LRRC4C: variants seen among roughly 807,000 people sequenced by gnomAD.
LRRC4C encodes leucine rich repeat containing 4C.
A neutral mutation model predicts 33.6 loss-of-function variants in LRRC4C; 5 were observed. The observed-to-expected ratio is 0.15, with a 90% CI of 0.08 to 0.31. The LOEUF is 0.31. Among genes scored for constraint, LRRC4C ranks in the 10% least tolerant of loss-of-function variants. The probability of loss-of-function intolerance (pLI) is 1.00; values close to 1 mark genes in which losing one functional copy is unlikely to be tolerated. For missense variants in LRRC4C, 560 were observed against 796.7 expected (o/e 0.70, Z 3.58); for synonymous variants, 329 against 302.0 (o/e 1.09, Z -0.93).
At chr11:40,710,550 A>G (rs1198015138) in intron 2 of LRRC4C, among the ~76,000 whole-genome samples, 2 of 152,206 alleles carry the variant, frequency 1.3e-5, no homozygotes, top group Non-Finnish European at 1.5e-5. Flanking sequence ...ATTGCAGAAC[A>G]GCAAATATTG....
chr11:40,176,544 T>C (rs1860507192), intron 5 of LRRC4C, among the ~76,000 whole-genome samples: 1 of 151,814 alleles, frequency 6.6e-6, no homozygotes, highest in Non-Finnish European at 1.5e-5. Flanking sequence ...CCACTCTTTT[T>C]TTTTTTTTTT....
At chr11:40,225,074 G>A (rs569429836) in intron 5 of LRRC4C, among the ~76,000 whole-genome samples, 1 of 152,278 alleles carries the variant, frequency 6.6e-6, no homozygotes, top group African/African-American at 2.4e-5. Context: ...TTGTGGAAAT[G>A]AATACCTATA....
At chr11:40,546,846 G>A (rs1055617831) in intron 3 of LRRC4C, among the ~76,000 whole-genome samples, 13 of 152,072 alleles carry the variant, frequency 8.5e-5, no homozygotes, top group African/African-American at 3.1e-4. Context: ...AAAGTCAGAG[G>A]CTTGACTAAC....
At chr11:41,331,535 C>T (rs1245582306) in intron 1 of LRRC4C, among the ~76,000 whole-genome samples, 2 of 152,186 alleles carry the variant, frequency 1.3e-5, no homozygotes, top group African/African-American at 4.8e-5. Flanking sequence ...TGCCGCCTCC[C>T]TTCACTCACT....
chr11:40,931,857 A>G (rs1276006911), intron 2 of LRRC4C, among the ~76,000 whole-genome samples: 3 of 152,154 alleles, frequency 2.0e-5, no homozygotes, highest in Non-Finnish European at 1.5e-5. Flanking sequence ...TTTCAGGGAC[A>G]AAACATTTTA....
At chr11:40,780,978 A>G (rs1002297579) in intron 2 of LRRC4C, among the ~76,000 whole-genome samples, 2 of 152,250 alleles carry the variant, frequency 1.3e-5, no homozygotes, top group South Asian at 2.1e-4. Context: ...ACTGACAGCG[A>G]TATGTTCTAA....
chr11:40,584,761 A>T (rs572330644), intron 3 of LRRC4C, among the ~76,000 whole-genome samples: 64 of 151,886 alleles, frequency 4.2e-4, no homozygotes, highest in South Asian at 1.2e-3. Flanking sequence ...GTAAAACCCC[A>T]TCTCTACTAA....
chr11:40,457,772 C>G (rs930616413), intron 3 of LRRC4C, among the ~76,000 whole-genome samples: 5 of 152,262 alleles, frequency 3.3e-5, no homozygotes, highest in African/African-American at 1.2e-4. Context: ...ACTAGTCTCC[C>G]TTCCTGATGG....
intron 5 of LRRC4C, among the ~76,000 whole-genome samples, chr11:40,211,986 C>T (rs776912902): frequency 4.6e-5 from 7 of 152,172 alleles, no homozygotes; most frequent in African/African-American, 7.2e-5. Context: ...TATTTCCAGA[C>T]TTCTCCATGG....
intron 1 of LRRC4C, among the ~76,000 whole-genome samples, chr11:41,220,620 T>G (rs189209184): frequency 6.6e-6 from 1 of 152,100 alleles, no homozygotes; most frequent in Admixed American, 6.6e-5. Flanking sequence ...TTACTTAGAA[T>G]ATATTGTCTA....
At chr11:41,063,719 A>G (rs1325379804) in intron 1 of LRRC4C, among the ~76,000 whole-genome samples, 2 of 152,244 alleles carry the variant, frequency 1.3e-5, no homozygotes, top group Non-Finnish European at 2.9e-5. Context: ...TAGAGTCAGC[A>G]AGAAAGCAGC....
intron 1 of LRRC4C, among the ~76,000 whole-genome samples, chr11:40,972,638 T>C (rs567101730): frequency 2.6e-5 from 4 of 152,248 alleles, no homozygotes; most frequent in East Asian, 3.9e-4. Context: ...AGAAGGCACC[T>C]CTTCACAAGG....
intron 2 of LRRC4C, among the ~76,000 whole-genome samples, chr11:40,912,610 C>T (rs891056821): frequency 6.6e-6 from 1 of 152,152 alleles, no homozygotes; most frequent in African/African-American, 2.4e-5. Flanking sequence ...TTGTAAAGAC[C>T]ATCAAGGCTA....
chr11:40,913,131 A>G (rs1415682637), intron 2 of LRRC4C, among the ~76,000 whole-genome samples: 2 of 152,192 alleles, frequency 1.3e-5, no homozygotes, highest in Admixed American at 6.5e-5. Flanking sequence ...AACATTAGAC[A>G]GATCAATGAG....
rs190972515 is a variant in LRRC4C, at chr11:40,115,595, G to A, written c.698C>T (p.Ala233Val). 723 of 1,614,162 alleles carry A rather than the reference G, an allele frequency of 4.5e-4. No homozygotes were observed. Among genetic ancestry groups the A allele is most frequent in the Non-Finnish European group, 5.6e-4 (661 of 1,180,028 alleles). Residue 233 changes from alanine (A) to valine (V), a missense_variant, in exon 7 of 7, where the codon GCC (alanine) becomes GTC (valine). By Grantham distance (64) the Ala-to-Val change is moderately conservative. Around this residue, in one of 3 missense-constraint regions of LRRC4C, gnomAD observed 455 missense variants for 643.8 expected, o/e 0.71. Transcript: ENST00000528697. This position sits in a 1 kb window ranked among gnomAD's most constrained non-coding sequence, Gnocchi z 6.7. Reference sequence around the variant, plus strand: ...ACCCTGGAAAGAGCCAGGCCTGATGGCAGATAAATGATTCCCAGAAAGATC... The same window carrying A: ...ACCCTGGAAAGAGCCAGGCCTGATGACAGATAAATGATTCCCAGAAAGATC... ...ELDLSGNHLS[A>V]IRPGSFQGLM... is the part of the protein sequence containing the mutation.
At chr11:40,191,480 T>C (rs1459454382) in intron 5 of LRRC4C, among the ~76,000 whole-genome samples, 1 of 152,170 alleles carries the variant, frequency 6.6e-6, no homozygotes, top group Non-Finnish European at 1.5e-5. Flanking sequence ...GCAATTCCCA[T>C]TCCTGTCATG....
In LRRC4C at chr11:40,362,758, C is replaced by T. The variant is rs149482477; in HGVS notation, c.-269-43037G>A. Among the ~76,000 whole-genome samples, 22 of 152,196 alleles carry T rather than the reference C, an allele frequency of 1.4e-4. No homozygotes were observed. The East Asian group carries it at 4.1e-3, about 28-fold the overall frequency. ...CAATCAATAAATCGTGAGAAAAGGA[C>T]ACGAACAGACGCTTCTCAAAAGCAG... On this transcript the variant is annotated intron_variant, in intron 3 of 6. Transcript: ENST00000528697.
At chr11:41,442,797 C>A (rs1053045327) in intron 1 of LRRC4C, among the ~76,000 whole-genome samples, 1 of 152,002 alleles carries the variant, frequency 6.6e-6, no homozygotes, top group Non-Finnish European at 1.5e-5. Context: ...ATAAAAACAG[C>A]CATTAGATTT....
In LRRC4C at chr11:40,471,395, A is replaced by G. The variant is rs542444963; in HGVS notation, c.-269-151674T>C. Among the ~76,000 whole-genome samples the G allele has an allele frequency of 2.0e-5, 3 of 152,298 alleles. No individual in the cohort carries two copies. In the South Asian group the frequency reaches 6.2e-4, roughly 32 times the overall value. ...AGAGCTCCTAAAGGAAGCACTAAAT[A>G]TGTAAAGGAACAACTGGTACCAGCC... On this transcript the variant is annotated intron_variant, in intron 3 of 6. Transcript: ENST00000528697.
Sources: gnomAD v4.1 joint callset for allele counts (sites outside exome capture counted in the v4.1 genomes callset) on GRCh38, gnomAD v4.1.1 for gene constraint, gnomAD v4.1.1 regional missense constraint, Gnocchi (gnomAD v3.1) non-coding constraint, MANE v1.5 for transcripts, NCBI Gene and HGNC (gene_info 2026-07-23, HGNC 2026-07-21) for gene names.